NATD1: variants seen among roughly 807,000 people sequenced by gnomAD.
NATD1 encodes protein NATD1.
Under a neutral mutation model 12.0 loss-of-function variants are expected in NATD1, and 9 were observed. The observed-to-expected ratio is 0.75, with a 90% CI of 0.45 to 1.30. The LOEUF is 1.30. Ranked by LOEUF, NATD1 falls within the 50% of genes most tolerant of loss-of-function variation. The pLI is 0.00. For synonymous variants in NATD1, 71 were observed against 65.9 expected, an observed-to-expected ratio of 1.08 and a Z score of -0.37; for missense variants, 148 against 148.5, an observed-to-expected ratio of 1.00 and a Z score of 0.02.
chr17:21,251,695 C>G (rs1975378264), intron 1 of NATD1, among the ~76,000 whole-genome samples: 1 of 152,244 alleles, frequency 6.6e-6, no homozygotes, highest in Non-Finnish European at 1.5e-5. Context: ...TCGGCACATT[C>G]CAAATGGCAT....
chr17:21,243,542 G>T, intron 2 of NATD1, 113 bp from the exon 3 acceptor site: 1 of 736,298 alleles, frequency 1.4e-6, no homozygotes, highest in Non-Finnish European at 2.3e-6. Flanking sequence ...ACTTTGCCCA[G>T]GTCAGTAACT....
rs1470540833 is a variant in NATD1, at chr17:21,243,286, G to A, written c.*27C>T. 2.5e-6 allele frequency: 4 copies of A among 1,595,458 alleles called. No individual in the cohort carries two copies. The Admixed American group carries it at 6.7e-5, about 27-fold the overall frequency. On this transcript the variant is annotated 3_prime_UTR_variant, in exon 3 of 3. Transcript: ENST00000611551. ...AAAGGCCACGTGGAAGAGTCCGGCA[G>A]GGAGCGCTCCCGCCTGCAGGCCAGG...
chr17:21,243,123 C>T lies in NATD1; in HGVS notation c.*190G>A, dbSNP rs781284596. 6 of 548,242 alleles carry T rather than the reference C, an allele frequency of 1.1e-5. No individual in the cohort carries two copies. The highest frequency in any genetic ancestry group is 3.0e-5 in the East Asian group (1 of 33,790). 34.0% of individuals were successfully genotyped at this position (548,242 alleles called of 1,614,324 possible). ...GGACTACCTGGCCTCCTTGCCGCCT[C>T]GGTTACCGGGTCACCGCCCATCATT... On this transcript the variant is annotated 3_prime_UTR_variant, in exon 3 of 3. Coordinates refer to ENST00000611551, the MANE Select transcript of NATD1 (RefSeq NM_152914.3).
rs1327685233 is a variant in NATD1 at position 21,241,236 on chromosome 17, T to A, written c.*2077A>T. ...CAGGGGCTTCCTGTGGGGGACTCTTTGTGCTGTCACTGCAAGGGACCCTCC... is the reference window on the plus strand; with the variant it reads ...CAGGGGCTTCCTGTGGGGGACTCTTAGTGCTGTCACTGCAAGGGACCCTCC... On this transcript the variant is annotated 3_prime_UTR_variant, in exon 3 of 3. Transcript: ENST00000611551. The A allele has an allele frequency of 6.6e-6, 1 of 152,200 alleles. No individual in the cohort carries two copies. The highest frequency in any genetic ancestry group is 1.5e-5 in the Non-Finnish European group (1 of 68,132). The allele number at this position is 152,200 out of a possible 1,614,324, so 9.4% of individuals were successfully genotyped here.
Position 21,246,176 on chromosome 17 carries a change from G to A in NATD1, c.107-1952C>T, listed in dbSNP as rs182843692. ...AACTGATGAAACTCTTCCTCATGGA[G>A]ATCTTACGTACTGATGAAGACACAC... On this transcript the variant is annotated intron_variant, in intron 1 of 2. Coordinates refer to ENST00000611551, the MANE Select transcript of NATD1 (RefSeq NM_152914.3). Among the ~76,000 whole-genome samples the A allele has an allele frequency of 2.2e-3, 332 of 152,274 alleles. 2 individuals carry two copies. The highest frequency in any genetic ancestry group is 3.5e-3 in the Non-Finnish European group (240 of 68,032).
Position 21,244,154 on chromosome 17 carries a change from C to T in NATD1, c.177G>A (p.Glu59=). ...GKRIVDLQHT[E]VPDAYRGRGI... ...CACGCCCACGGTAGGCATCTGGGAC[C>T]TCGGTGTGCTGCAGGTCCACGATCC... is the stretch of plus-strand genomic sequence containing the variant. Residue 59 remains glutamate, a synonymous_variant, in exon 2 of 3, where the codon GAG becomes GAA. Transcript: ENST00000611551. The surrounding 1 kb of genome is among the most constrained non-coding windows in gnomAD (Gnocchi z 5.2). 1.2e-6 allele frequency: 2 copies of T among 1,613,218 alleles called. No individual in the cohort carries two copies. Among genetic ancestry groups the T allele is most frequent in the South Asian group, 1.1e-5 (1 of 91,048 alleles).
At chr17:21,249,901 T>A (rs1288562430) in intron 1 of NATD1, among the ~76,000 whole-genome samples, 1 of 152,240 alleles carries the variant, frequency 6.6e-6, no homozygotes, top group Admixed American at 6.5e-5. Flanking sequence ...GGATATGGCA[T>A]CAGACAAGCC....
chr17:21,248,433 C>CA (rs1975345901), intron 1 of NATD1, among the ~76,000 whole-genome samples: 1 of 152,198 alleles, frequency 6.6e-6, no homozygotes, highest in African/African-American at 2.4e-5. Flanking sequence ...TGGGGTCCAG[C>CA]TGCCTCTCTG....
chr17:21,250,705 C>T (rs1975367241), intron 1 of NATD1, among the ~76,000 whole-genome samples: 1 of 152,200 alleles, frequency 6.6e-6, no homozygotes, highest in Non-Finnish European at 1.5e-5. Flanking sequence ...AATAAAGTGA[C>T]TCCAGGTGCC....
At chr17:21,252,621 G>A (rs1489272476) in intron 1 of NATD1, among the ~76,000 whole-genome samples, 4 of 150,866 alleles carry the variant, frequency 2.7e-5, no homozygotes, top group Admixed American at 2.0e-4. Context: ...AGCCCCTTTC[G>A]CGGTCAGCCC....
rs537958091 is a variant in NATD1 at position 21,239,443 on chromosome 17, A to G, written c.*3870T>C. On this transcript the variant is annotated 3_prime_UTR_variant, in exon 3 of 3. Transcript: ENST00000611551. ...ACTCAGCCTCAGTATCATCTATCAAATAGGCCTAATAATGGGCATGTCCCG... is the reference window on the plus strand; with the variant it reads ...ACTCAGCCTCAGTATCATCTATCAAGTAGGCCTAATAATGGGCATGTCCCG... The G allele has an allele frequency of 1.3e-5, 2 of 152,190 alleles. No individual in the cohort carries two copies. The highest frequency in any genetic ancestry group is 2.1e-4 in the South Asian group (1 of 4,818). 9.4% of individuals were successfully genotyped at this position (152,190 alleles called of 1,614,324 possible). A position where few individuals can be genotyped will look rare whatever the true frequency, so the allele number is the denominator to read the frequency against.
At chr17:21,252,176 G>A (rs1975382267) in intron 1 of NATD1, among the ~76,000 whole-genome samples, 1 of 152,148 alleles carries the variant, frequency 6.6e-6, no homozygotes, top group African/African-American at 2.4e-5. Flanking sequence ...ATGGTGGTGG[G>A]TGCCTGTAAT....
rs1048736255 is a variant in NATD1, at chr17:21,252,426, C to T, written c.106+733G>A. Among the ~76,000 whole-genome samples, 3 of 152,320 alleles carry T rather than the reference C, an allele frequency of 2.0e-5. No homozygotes were observed. The South Asian group carries it at 6.2e-4, about 32-fold the overall frequency. On this transcript the variant is annotated intron_variant, in intron 1 of 2. Transcript: ENST00000611551. Reference sequence around the variant, plus strand: ...TAATCCCCCATGAGCTGGTCTGATCCTTTACATTTGTTACAGTCTTTCATC... The same window carrying T: ...TAATCCCCCATGAGCTGGTCTGATCTTTTACATTTGTTACAGTCTTTCATC...
At position 21,253,182 on chromosome 17, in the gene NATD1, C is replaced by G; in HGVS notation, c.83G>C (p.Arg28Pro). 9.8e-7 allele frequency: 1 copy of G among 1,015,626 alleles called. No homozygotes were observed. The highest frequency in any genetic ancestry group is 1.2e-6 in the Non-Finnish European group (1 of 851,160). The allele number at this position is 1,015,626 out of a possible 1,614,324, so 62.9% of individuals were successfully genotyped here. The change falls in exon 1 of 3, where the codon CGC becomes CCC. Residue 28 changes from arginine to proline, a missense_variant. Physicochemically the swap from Arg to Pro is moderately radical, Grantham distance 103. Coordinates refer to ENST00000611551, the MANE Select transcript of NATD1 (RefSeq NM_152914.3). ...ACCGTTGAGCCGGACAGTGAACTGGCGGCGCCGGCGGTCGTGCTCCACGCG... is the reference window on the plus strand; with the variant it reads ...ACCGTTGAGCCGGACAGTGAACTGGGGGCGCCGGCGGTCGTGCTCCACGCG... ...PIRVEHDRRR[R>P]QFTVRLNGCH... is the part of the protein sequence containing the mutation.
rs1009962938 is a variant in NATD1, at chr17:21,240,447, A to C, written c.*2866T>G. 6.6e-6 allele frequency: 1 copy of C among 152,570 alleles called. No individual in the cohort carries two copies. Among genetic ancestry groups the C allele is most frequent in the African/African-American group, 2.4e-5 (1 of 41,466 alleles). The allele number at this position is 152,570 out of a possible 1,614,324, so 9.5% of individuals were successfully genotyped here. A position where few individuals can be genotyped will look rare whatever the true frequency, so the allele number is the denominator to read the frequency against. The stretch of plus-strand genomic sequence containing the variant: ...TGCTGTGGGGGAAGCGACAGCGTGC[A>C]GACAGCACTGCATGCCAGGCCACAC... On this transcript the variant is annotated 3_prime_UTR_variant, in exon 3 of 3. Transcript: ENST00000611551.
Position 21,243,314 on chromosome 17 carries a change from T to G in NATD1, c.341A>C (p.Ter114SerextTer39). 1 of 1,611,536 alleles carries G rather than the reference T, an allele frequency of 6.2e-7. No individual in the cohort carries two copies. The highest frequency in any genetic ancestry group is 8.5e-7 in the Non-Finnish European group (1 of 1,179,582). ...LPQYLERLQP[*>S] Reference sequence around the variant, plus strand: ...AGCGCTCCCGCCTGCAGGCCAGGGTTACGGCTGCAGGCGCTCCAGGTACTG... The same window carrying G: ...AGCGCTCCCGCCTGCAGGCCAGGGTGACGGCTGCAGGCGCTCCAGGTACTG... Residue 114 changes from the stop codon to serine, a stop_lost, in exon 3 of 3, where the codon TAA becomes TCA. Coordinates refer to ENST00000611551, the MANE Select transcript of NATD1 (RefSeq NM_152914.3).
chr17:21,249,178 C>T (rs1342805320), intron 1 of NATD1, among the ~76,000 whole-genome samples: 4 of 152,006 alleles, frequency 2.6e-5, no homozygotes, highest in Admixed American at 6.6e-5. Context: ...TTTCTCCACT[C>T]GGCCCACACT....
At position 21,244,936 on chromosome 17, in the gene NATD1, C is replaced by T. The variant is rs1222910119; in HGVS notation, c.107-712G>A. On this transcript the variant is annotated intron_variant, in intron 1 of 2. Coordinates refer to ENST00000611551, the MANE Select transcript of NATD1 (RefSeq NM_152914.3). The surrounding 1 kb of genome is among the most constrained non-coding windows in gnomAD (Gnocchi z 5.2). ...CTCCACCTACCCATCCATCAACCCA[C>T]CCATCCACTTATCCATCCACCAAAT... 1.3e-5 allele frequency among the ~76,000 whole-genome samples: 2 copies of T among 152,352 alleles called. No homozygotes were observed. Among genetic ancestry groups the T allele is most frequent in the East Asian group, 1.9e-4 (1 of 5,194 alleles).
Position 21,244,047 on chromosome 17 carries a change from C to T in NATD1, c.225+59G>A, listed in dbSNP as rs970294151. ...CACCAGGGCCACCGTCTCCTCGGAG[C>T]GAAGGTGGCAGCCCCCATGTCCCCG... On this transcript the variant is annotated intron_variant, in intron 2 of 2. Coordinates refer to ENST00000611551, the MANE Select transcript of NATD1 (RefSeq NM_152914.3). The surrounding 1 kb of genome is among the most constrained non-coding windows in gnomAD (Gnocchi z 5.2). 17 of 1,469,478 alleles carry T rather than the reference C, an allele frequency of 1.2e-5. No homozygotes were observed. The African/African-American group carries it at 1.3e-4, about 11-fold the overall frequency. 91.0% of individuals were successfully genotyped at this position (1,469,478 alleles called of 1,614,324 possible). A position where few individuals can be genotyped will look rare whatever the true frequency, so the allele number is the denominator to read the frequency against.
Sources: gnomAD v4.1 joint callset for allele counts (sites outside exome capture counted in the v4.1 genomes callset) on GRCh38, gnomAD v4.1.1 for gene constraint, Gnocchi (gnomAD v3.1) non-coding constraint, MANE v1.5 for transcripts, NCBI Gene and HGNC (gene_info 2026-07-23, HGNC 2026-07-21) for gene names.